The following CLASP2 variants were observed in gnomAD, a reference collection of about 807,000 sequenced individuals.
The protein encoded by CLASP2 is cytoplasmic linker associated protein 2, also known as CLIP-associating protein 2.
CLASP2 carries 47 observed loss-of-function variants against 194.4 expected under a neutral mutation model. The ratio of observed to expected loss-of-function variants is 0.24; its 90% CI spans 0.19 to 0.31. CLASP2 has a LOEUF of 0.31. Ranked by LOEUF, CLASP2 falls within the 10% of genes least tolerant of loss-of-function variation. The pLI, the probability that CLASP2 is intolerant of heterozygous loss-of-function variation, is 1.00. For synonymous variants in CLASP2, 619 were observed against 633.5 expected (o/e 0.98, Z 0.34); for missense variants, 1,445 against 1,823.6 (o/e 0.79, Z 3.78).
intron 1 of CLASP2, among the ~76,000 whole-genome samples, chr3:33,698,016 C>A (rs1041021213): frequency 2.0e-5 from 3 of 152,118 alleles, no homozygotes; most frequent in African/African-American, 7.2e-5. Context: ...CACCTACTTG[C>A]AAGCTCTTTC....
chr3:33,708,729 G>A (rs2092854594), intron 1 of CLASP2, among the ~76,000 whole-genome samples: 1 of 151,880 alleles, frequency 6.6e-6, no homozygotes, highest in Admixed American at 6.6e-5. Flanking sequence ...ACTCAGAAGT[G>A]GAGCACATGG....
At chr3:33,624,942 C>T (rs984324978) in intron 10 of CLASP2, among the ~76,000 whole-genome samples, 5 of 152,126 alleles carry the variant, frequency 3.3e-5, no homozygotes, top group African/African-American at 9.6e-5. Context: ...AAAACAGATG[C>T]TCTCAAACAC....
chr3:33,577,196 C>T, intron 23 of CLASP2: 1 of 1,591,496 alleles, frequency 6.3e-7, no homozygotes, highest in Non-Finnish European at 8.5e-7. Flanking sequence ...TGTACTCATC[C>T]TTCACCTGAG....
At chr3:33,657,398 GGTT>G (rs1251389473) in intron 7 of CLASP2, among the ~76,000 whole-genome samples, 5 of 151,938 alleles carry the variant, frequency 3.3e-5, no homozygotes, top group Admixed American at 6.6e-5. Context: ...CTTTGTCAGA[GGTT>G]GTTACTTTTT....
intron 7 of CLASP2, among the ~76,000 whole-genome samples, chr3:33,655,727 T>C (rs561346380): frequency 6.6e-6 from 1 of 152,294 alleles, no homozygotes; most frequent in African/African-American, 2.4e-5. Context: ...CTATAAACAA[T>C]TGTAAATCAA....
At chr3:33,566,773 G>GA (rs774271406) in intron 26 of CLASP2, 39 bp from the exon 27 acceptor site, 2 of 416,986 alleles carry the variant, frequency 4.8e-6, no homozygotes, top group Admixed American at 2.8e-5. Context: ...CATGCAAAAA[G>GA]AAAAAAAGAA....
chr3:33,624,339 C>T (rs1277300709), intron 10 of CLASP2, among the ~76,000 whole-genome samples: 1 of 151,862 alleles, frequency 6.6e-6, no homozygotes, highest in Non-Finnish European at 1.5e-5. Context: ...TAATCTTGGG[C>T]ATATAAGGAA....
chr3:33,674,764 G>A (rs1206750949), intron 6 of CLASP2, among the ~76,000 whole-genome samples: 9 of 152,112 alleles, frequency 5.9e-5, no homozygotes, highest in South Asian at 2.1e-4. Context: ...TATCACCACC[G>A]ATCCCACAGA....
At chr3:33,627,296 T>C (rs1452761073) in intron 9 of CLASP2, 6 of 525,494 alleles carry the variant, frequency 1.1e-5, no homozygotes, top group Non-Finnish European at 1.0e-5. Flanking sequence ...TCTTCCCTCA[T>C]GAATAACTTC....
chr3:33,592,654 A>G (rs1443221811), intron 20 of CLASP2, 158 bp from the exon 21 acceptor site: 1 of 695,224 alleles, frequency 1.4e-6, no homozygotes, highest in Non-Finnish European at 2.5e-6. Context: ...TATAAACAGT[A>G]ATTTTTTTTT....
chr3:33,580,541 C>A (rs1323457269), intron 23 of CLASP2, among the ~76,000 whole-genome samples: 1 of 150,282 alleles, frequency 6.7e-6, no homozygotes, highest in East Asian at 2.0e-4. Context: ...CCAGCCTGGG[C>A]AACAGAGTGA....
chr3:33,647,058 A>G (rs1364056439), intron 7 of CLASP2, among the ~76,000 whole-genome samples: 1 of 152,190 alleles, frequency 6.6e-6, no homozygotes, highest in African/African-American at 2.4e-5. Context: ...ACAATTTATT[A>G]ATATCCATTC....
At chr3:33,705,980 C>T (rs965323201) in intron 1 of CLASP2, among the ~76,000 whole-genome samples, 5 of 152,100 alleles carry the variant, frequency 3.3e-5, no homozygotes, top group Admixed American at 6.5e-5. Flanking sequence ...TGGCTGGGTG[C>T]GGTGGCTCAT....
At position 33,498,658 on chromosome 3, in the gene CLASP2, G is replaced by C. The variant is rs1218628975; in HGVS notation, c.4494C>G (p.Pro1498=). ...RAQTGSGGAD[P]TTDVSGQS is the part of the protein sequence containing the mutation. ...AACTTTGTCCAGAAACATCAGTAGT[G>C]GGATCAGCTCCTCCAGAACCTGTTT... The change falls in exon 39 of 39, where the codon CCC becomes CCG. Residue 1498 remains proline, a synonymous_variant. Coordinates refer to ENST00000682230, the MANE Select transcript of CLASP2 (RefSeq NM_001365631.1). 3.1e-6 allele frequency: 5 copies of C among 1,613,060 alleles called. No individual in the cohort carries two copies. The highest frequency in any genetic ancestry group is 4.2e-6 in the Non-Finnish European group (5 of 1,179,208).
chr3:33,707,925 T>G (rs1434653036), intron 1 of CLASP2, among the ~76,000 whole-genome samples: 1 of 152,136 alleles, frequency 6.6e-6, no homozygotes, highest in South Asian at 2.1e-4. Context: ...AGGCGTTACA[T>G]CCTGACTCCC....
At chr3:33,675,481 T>C (rs1448440279) in intron 6 of CLASP2, among the ~76,000 whole-genome samples, 11 of 149,034 alleles carry the variant, frequency 7.4e-5, no homozygotes, top group Non-Finnish European at 1.6e-4. Context: ...GCCAATATCA[T>C]ACTGAATGGG....
intron 1 of CLASP2, among the ~76,000 whole-genome samples, chr3:33,700,863 C>G (rs900594102): frequency 6.6e-6 from 1 of 151,836 alleles, no homozygotes; most frequent in African/African-American, 2.4e-5. Context: ...AAAAATAAAA[C>G]AAAACAAACT....
intron 27 of CLASP2, among the ~76,000 whole-genome samples, chr3:33,562,449 A>G (rs748103003): frequency 1.3e-5 from 2 of 152,222 alleles, no homozygotes; most frequent in Non-Finnish European, 2.9e-5. Context: ...ACTGTTACCT[A>G]GCAAATCTGT....
At chr3:33,612,804 T>A (rs184041301) in intron 12 of CLASP2, among the ~76,000 whole-genome samples, 1 of 152,172 alleles carries the variant, frequency 6.6e-6, no homozygotes, top group Non-Finnish European at 1.5e-5. Context: ...AAGACAAATA[T>A]CACATGTTCT....
Sources: gnomAD v4.1 joint callset for allele counts (sites outside exome capture counted in the v4.1 genomes callset) on GRCh38, gnomAD v4.1.1 for gene constraint, MANE v1.5 for transcripts, NCBI Gene and HGNC (gene_info 2026-07-23, HGNC 2026-07-21) for gene names.